The following NOTCH2 variants were observed in gnomAD, a reference collection of about 807,000 sequenced individuals.
The protein encoded by NOTCH2 is notch receptor 2, also known as neurogenic locus notch homolog protein 2.
Under a neutral mutation model 235.8 loss-of-function variants are expected in NOTCH2, and 29 were observed. The observed-to-expected ratio is 0.12, with a 90% CI of 0.09 to 0.17. The LOEUF (loss-of-function observed/expected upper bound fraction) is 0.17, where lower values mean the gene tolerates loss of function less well. NOTCH2 is among the 10% of genes least tolerant of loss of function. The pLI, the probability that NOTCH2 is intolerant of heterozygous loss-of-function variation, is 1.00. For synonymous variants in NOTCH2, 1,086 were observed against 1,141.5 expected, an observed-to-expected ratio of 0.95 and a Z score of 0.98; for missense variants, 2,285 against 3,150.2, an observed-to-expected ratio of 0.73 and a Z score of 6.57.
rs1553196499 is a variant in NOTCH2 at position 119,941,760 on chromosome 1, C to T, written c.2753-6G>A. 6.2e-7 allele frequency: 1 copy of T among 1,602,536 alleles called. No individual in the cohort carries two copies. Among genetic ancestry groups the T allele is most frequent in the Admixed American group, 1.7e-5 (1 of 59,992 alleles). ...ACCTCCATTCTGGCAAGGATCTAAG[C>T]CATTACAAAAGAATTAGACCTCTGA... On this transcript the variant is annotated splice_polypyrimidine_tract_variant and splice_region_variant and intron_variant, in intron 17 of 33. Transcript: ENST00000256646.
chr1:119,966,915 T>A (rs1651160566), intron 8 of NOTCH2, among the ~76,000 whole-genome samples: 1 of 152,160 alleles, frequency 6.6e-6, no homozygotes, highest in Non-Finnish European at 1.5e-5. Flanking sequence ...CCGGCAGCCT[T>A]AATCAGGCAG....
In NOTCH2 at chr1:119,976,644, T is replaced by C. The variant is rs147261177; in HGVS notation, c.875-6900A>G. 8.3e-3 allele frequency among the ~76,000 whole-genome samples: 1,258 copies of C among 152,218 alleles called. 17 individuals carry two copies. The highest frequency in any genetic ancestry group is 0.028 in the African/African-American group (1,162 of 41,532). Reference sequence around the variant, plus strand: ...GATGATCTTAACATGTAAAGTAGAATGCGCCACTCGCTTGTTCAAATCCTT... The same window carrying C: ...GATGATCTTAACATGTAAAGTAGAACGCGCCACTCGCTTGTTCAAATCCTT... On this transcript the variant is annotated intron_variant, in intron 5 of 33. Coordinates refer to ENST00000256646, the MANE Select transcript of NOTCH2 (RefSeq NM_024408.4).
rs1221514390 is a variant in NOTCH2, at chr1:120,033,410, C to CAA, written c.74-3425_74-3424dup. Reference sequence around the variant, plus strand: ...TGAGTGACAGAGAGAGACTCCATCTCAAAAAAAAAAAAAAAAAAAAAAAAA... The same window carrying CAA: ...TGAGTGACAGAGAGAGACTCCATCTCAAAAAAAAAAAAAAAAAAAAAAAAAAA... On this transcript the variant is annotated intron_variant, in intron 1 of 33. Transcript: ENST00000256646. 8.6e-3 allele frequency among the ~76,000 whole-genome samples: 97 copies of CAA among 11,234 alleles called. 18 individuals are homozygous for CAA. The highest frequency in any genetic ancestry group is 0.031 in the African/African-American group (74 of 2,402). 7.4% of individuals were successfully genotyped at this position (11,234 alleles called of 152,430 possible).
rs761071194 is a variant in NOTCH2, at chr1:119,923,980, C to T, written c.4516G>A (p.Asp1506Asn). 19 of 1,613,310 alleles carry T rather than the reference C, an allele frequency of 1.2e-5. No homozygotes were observed. The highest frequency in any genetic ancestry group is 1.6e-5 in the Non-Finnish European group (19 of 1,179,318). ...TTGAAGTGGTCTGCACAGTATTTGT[C>T]ATACCTAGGTAAGGGGAAGCAGAGA... ...CQGNSKTCKY[D>N]KYCADHFKDN... Residue 1506 changes from aspartate (D) to asparagine (N), a missense_variant, in exon 26 of 34, where the codon GAC (aspartate) becomes AAC (asparagine). Physicochemically the swap from Asp to Asn is conservative, Grantham distance 23. Around this residue, in one of 6 missense-constraint regions of NOTCH2, gnomAD observed 1,173 missense variants for 1,515.3 expected, o/e 0.77. Coordinates refer to ENST00000256646, the MANE Select transcript of NOTCH2 (RefSeq NM_024408.4).
chr1:119,970,325 AAAATGTTAGGG>A (rs1365969273), intron 5 of NOTCH2, among the ~76,000 whole-genome samples: 1 of 152,218 alleles, frequency 6.6e-6, no homozygotes, highest in African/African-American at 2.4e-5. Context: ...CTAATTTTTG[AAAATGTTAGGG>A]CAAGCAACAT....
In NOTCH2 at chr1:120,005,071, C is replaced by T. The variant is rs1334483648; in HGVS notation, c.415+258G>A. On this transcript the variant is annotated intron_variant, in intron 3 of 33. Transcript: ENST00000256646. The stretch of plus-strand genomic sequence containing the variant: ...CCAAAGTGCTGGGATTGCAAGCGTG[C>T]ACCACCGCACCTGGCCCTGACATAT... 4.6e-5 allele frequency among the ~76,000 whole-genome samples: 7 copies of T among 152,194 alleles called. No homozygotes were observed. In the East Asian group the frequency reaches 5.8e-4, roughly 13 times the overall value.
intron 22 of NOTCH2, among the ~76,000 whole-genome samples, chr1:119,933,102 A>G (rs1649725782): frequency 6.6e-6 from 1 of 152,032 alleles, no homozygotes; most frequent in Non-Finnish European, 1.5e-5. Context: ...TGCTAGTAAA[A>G]TGAGCATAAA....
At chr1:120,065,011 G>A (rs1295756210) in intron 1 of NOTCH2, among the ~76,000 whole-genome samples, 5 of 152,174 alleles carry the variant, frequency 3.3e-5, no homozygotes, top group Admixed American at 1.3e-4. Context: ...GGAAGCAGTG[G>A]AAGCAAACTT....
intron 2 of NOTCH2, among the ~76,000 whole-genome samples, chr1:120,011,504 T>C (rs1653190979): frequency 6.6e-6 from 1 of 152,248 alleles, no homozygotes; most frequent in South Asian, 2.1e-4. Context: ...GGTGCTTCTA[T>C]GCTTAATAGT....
chr1:120,023,057 T>C (rs1386959048), intron 2 of NOTCH2, among the ~76,000 whole-genome samples: 1 of 151,700 alleles, frequency 6.6e-6, no homozygotes, highest in East Asian at 2.0e-4. Flanking sequence ...GCAATAATGT[T>C]AGCTAGCATT....
At chr1:120,004,905 T>C (rs1166344587) in intron 3 of NOTCH2, among the ~76,000 whole-genome samples, 2 of 152,120 alleles carry the variant, frequency 1.3e-5, no homozygotes, top group African/African-American at 4.8e-5. Context: ...CCCAAGTAGT[T>C]AGGACTACAG....
intron 2 of NOTCH2, among the ~76,000 whole-genome samples, chr1:120,012,710 C>T (rs587646437): frequency 2.0e-5 from 3 of 152,318 alleles, no homozygotes; most frequent in South Asian, 2.1e-4. Context: ...CTAGCAATTT[C>T]CCCAGTTTTA....
intron 17 of NOTCH2, among the ~76,000 whole-genome samples, chr1:119,946,754 C>G (rs1553197071): frequency 6.6e-6 from 1 of 151,926 alleles, no homozygotes; most frequent in Non-Finnish European, 1.5e-5. Context: ...CCCCTAGGAT[C>G]AAAAACAAGG....
intron 5 of NOTCH2, among the ~76,000 whole-genome samples, chr1:119,976,099 AC>A (rs1183455366): frequency 6.6e-6 from 1 of 152,246 alleles, no homozygotes; most frequent in Non-Finnish European, 1.5e-5. Flanking sequence ...CACAAGAGGA[AC>A]AAATAAAAAA....
At chr1:119,945,624 G>A (rs1650226256) in intron 17 of NOTCH2, among the ~76,000 whole-genome samples, 1 of 151,976 alleles carries the variant, frequency 6.6e-6, no homozygotes, top group African/African-American at 2.4e-5. Flanking sequence ...GTTTAAAAAG[G>A]CCATTTCAAA....
At position 119,917,663 on chromosome 1, in the gene NOTCH2, AC is replaced by A; in HGVS notation, c.6027+1del. ...CTCAAGCTCAGAGCCCACAAACTGT[AC>A]CTTGTTGTCCTGCATGTCTCGGTTG... On this transcript the variant is annotated splice_donor_variant, in intron 33 of 33. Coordinates refer to ENST00000256646, the MANE Select transcript of NOTCH2 (RefSeq NM_024408.4). LOFTEE classifies it high-confidence loss of function. 1 of 1,604,116 alleles carries A rather than the reference AC, an allele frequency of 6.2e-7. No homozygotes were observed. The highest frequency in any genetic ancestry group is 8.5e-7 in the Non-Finnish European group (1 of 1,171,202).
At chr1:120,035,336 C>A (rs1394173492) in intron 1 of NOTCH2, among the ~76,000 whole-genome samples, 3 of 151,508 alleles carry the variant, frequency 2.0e-5, no homozygotes, top group Non-Finnish European at 4.4e-5. Context: ...TCACACAGTA[C>A]CAAGTTTGAC....
At chr1:120,048,771 C>T (rs2101394296) in intron 1 of NOTCH2, among the ~76,000 whole-genome samples, 1 of 85,766 alleles carries the variant, frequency 1.2e-5, no homozygotes, top group Admixed American at 1.2e-4. Context: ...TAACTAGCTG[C>T]ATAATCTTGG....
Position 119,967,509 on chromosome 1 carries a change from C to T in NOTCH2, c.1377G>A (p.Glu459=), listed in dbSNP as rs1250145513. The T allele has an allele frequency of 3.1e-6, 5 of 1,614,008 alleles. No homozygotes were observed. Among genetic ancestry groups the T allele is most frequent in the African/African-American group, 1.3e-5 (1 of 74,932 alleles). ...CATTCTGGCAGGGGTCTGAATGGCACTCATTGATGTCCATCTCACAACGAG... is the reference window on the plus strand; with the variant it reads ...CATTCTGGCAGGGGTCTGAATGGCATTCATTGATGTCCATCTCACAACGAG... ...AGPRCEMDIN[E]CHSDPCQNDA... The change falls in exon 8 of 34, where the codon GAG becomes GAA. Residue 459 remains glutamate (E), a synonymous_variant. Coordinates refer to ENST00000256646, the MANE Select transcript of NOTCH2 (RefSeq NM_024408.4).
Sources: allele counts gnomAD v4.1 joint callset (sites outside exome capture counted in the v4.1 genomes callset), GRCh38; gene constraint gnomAD v4.1.1; regional missense constraint gnomAD v4.1.1; transcripts MANE v1.5; gene names NCBI Gene and HGNC (gene_info 2026-07-23, HGNC 2026-07-21).